SYNE4: variants seen among roughly 807,000 people sequenced by gnomAD.
SYNE4 encodes spectrin repeat containing nuclear envelope family member 4, also known as nesprin-4.
Under a neutral mutation model 46.9 loss-of-function variants are expected in SYNE4, and 41 were observed. That is an observed-to-expected ratio of 0.87 (90% CI 0.68 to 1.13). The LOEUF is 1.13. Ranked by LOEUF, SYNE4 falls within the 50% of genes most tolerant of loss-of-function variation. The pLI is 0.00. For missense variants in SYNE4, 492 were observed against 514.8 expected, an observed-to-expected ratio of 0.96 and a Z score of 0.43; for synonymous variants, 221 against 219.5, an observed-to-expected ratio of 1.01 and a Z score of -0.06.
rs1568530701 is a variant in SYNE4, at chr19:36,005,417, G to A, written c.888C>T (p.Ser296=). 6.2e-7 allele frequency: 1 copy of A among 1,614,012 alleles called. No homozygotes were observed. The highest frequency in any genetic ancestry group is 8.5e-7 in the Non-Finnish European group (1 of 1,179,952). ...GGCCAGACTCCAGCATGTCCTGTCG[G>A]GAGTGAGAGGTGTCTGCTTCCTGGA... ...QGLEEADTSH[S]RQDMLESGLG... The change falls in exon 6 of 8, where the codon TCC becomes TCT. Residue 296 remains serine (S), a synonymous_variant. Transcript: ENST00000324444.
Position 36,008,565 on chromosome 19 carries a change from C to T in SYNE4, c.117G>A (p.Glu39=), listed in dbSNP as rs748488209. 2 of 1,613,896 alleles carry T rather than the reference C, an allele frequency of 1.2e-6. No homozygotes were observed. Among genetic ancestry groups the T allele is most frequent in the Middle Eastern group, 1.7e-4 (1 of 5,914 alleles). The change falls in exon 1 of 8, where the codon GAG becomes GAA. Residue 39 remains glutamate, a synonymous_variant. Coordinates refer to ENST00000324444, the MANE Select transcript of SYNE4 (RefSeq NM_001039876.3). ...GCCCCGGCCCCCACCTCGTGCTCTC[C>T]TCTCCGGACGCGGGGCAGACGGTGC... The part of the protein sequence containing the change: ...VGCTVCPASG[E]ESTSPEQAQT...
At chr19:36,005,258 C>T in intron 6 of SYNE4, 75 bp downstream of exon 6, 1 of 1,435,646 alleles carries the variant, frequency 7.0e-7, no homozygotes, top group Non-Finnish European at 9.7e-7. Context: ...CTTTCTTGTG[C>T]CTTTTGATTT....
chr19:36,003,863 G>T (rs374060690), intron 6 of SYNE4, 192 bp from the exon 7 acceptor site: 1 of 240,278 alleles, frequency 4.2e-6, no homozygotes, highest in African/African-American at 2.3e-5. Context: ...GGGACTACAG[G>T]TGCCACCATG....
In SYNE4 at chr19:36,006,629, C is replaced by T. The variant is rs774590400; in HGVS notation, c.661G>A (p.Glu221Lys). ...GGTCCTGGCCAGTCCGAGTCTCCCT[C>T]GACCTCCAAGTCCTGGTCCAGCGTG... is the stretch of plus-strand genomic sequence containing the variant. ...ANTLDQDLEVEGDSDWPGPGG... is the reference protein window; with the variant it reads ...ANTLDQDLEVKGDSDWPGPGG... Residue 221 changes from glutamate (E) to lysine (K), a missense_variant, in exon 5 of 8, where the codon GAG (glutamate) becomes AAG (lysine). Physicochemically the swap from Glu to Lys is moderately conservative, Grantham distance 56 (BLOSUM62 1). Coordinates refer to ENST00000324444, the MANE Select transcript of SYNE4 (RefSeq NM_001039876.3). 7.5e-6 allele frequency: 12 copies of T among 1,609,900 alleles called. No individual in the cohort carries two copies. Among genetic ancestry groups the T allele is most frequent in the African/African-American group, 6.7e-5 (5 of 74,834 alleles).
intron 1 of SYNE4, 60 bp downstream of exon 1, chr19:36,008,494 A>G: frequency 6.2e-7 from 1 of 1,610,500 alleles, no homozygotes; most frequent in Non-Finnish European, 8.5e-7. Flanking sequence ...CTACCCTCAC[A>G]TGGCCCCTGC....
chr19:36,004,855 T>C (rs1465341145), intron 6 of SYNE4, among the ~76,000 whole-genome samples: 2 of 142,896 alleles, frequency 1.4e-5, no homozygotes, highest in Non-Finnish European at 3.1e-5. Flanking sequence ...CCTGATGTTA[T>C]TTCTTTCTTT....
chr19:36,003,392 A>G lies in SYNE4; in HGVS notation c.1160T>C (p.Ile387Thr). ...GAGCACCAGGTAGGGTGTCCTGGGTATTCGGGCATGAGAGCAGCAGGGGCC... is the reference window on the plus strand; with the variant it reads ...GAGCACCAGGTAGGGTGTCCTGGGTGTTCGGGCATGAGAGCAGCAGGGGCC... The part of the protein sequence containing the change: ...SGGPCCSHAR[I>T]PRTPYLVLSY... The change falls in exon 8 of 8, where the codon ATA (isoleucine) becomes ACA (threonine). Residue 387 changes from isoleucine to threonine, a missense_variant. Physicochemically the swap from Ile to Thr is moderately conservative, Grantham distance 89. Transcript: ENST00000324444. 1 of 1,614,106 alleles carries G rather than the reference A, an allele frequency of 6.2e-7. No homozygotes were observed. Among genetic ancestry groups the G allele is most frequent in the South Asian group, 1.1e-5 (1 of 91,072 alleles).
intron 5 of SYNE4, 160 bp downstream of exon 5, chr19:36,006,259 CGAGA>C (rs1183052981): frequency 1.0e-6 from 1 of 990,760 alleles, no homozygotes; most frequent in African/African-American, 1.7e-5. Flanking sequence ...CAGAGACAGA[CGAGA>C]GAGAGAAACA....
chr19:36,008,772 T>C lies in SYNE4; in HGVS notation c.-91A>G. 9 of 1,473,076 alleles carry C rather than the reference T, an allele frequency of 6.1e-6. No homozygotes were observed. The highest frequency in any genetic ancestry group is 2.0e-4 in the Middle Eastern group (1 of 5,036). The allele number at this position is 1,473,076 out of a possible 1,614,324, so 91.3% of individuals were successfully genotyped here. On this transcript the variant is annotated 5_prime_UTR_variant, in exon 1 of 8. Coordinates refer to ENST00000324444, the MANE Select transcript of SYNE4 (RefSeq NM_001039876.3). The stretch of plus-strand genomic sequence containing the variant: ...GTGTCCCAGAGCTCCTCCGCTGGAG[T>C]CACCCGGGCCTGAGGCTGCAGGAGA...
intron 6 of SYNE4, 87 bp downstream of exon 6, chr19:36,005,246 C>G: frequency 7.5e-7 from 1 of 1,341,216 alleles, no homozygotes; most frequent in Admixed American, 2.0e-5. Context: ...TAATAGCATT[C>G]CCTTTCTTGT....
rs771041135 is a variant in SYNE4, at chr19:36,008,570, C to G, written c.112G>C (p.Gly38Arg). The G allele has an allele frequency of 1.1e-5, 17 of 1,613,796 alleles. No individual in the cohort carries two copies. The African/African-American group carries it at 1.5e-4, about 14-fold the overall frequency. The change falls in exon 1 of 8, where the codon GGA (glycine) becomes CGA (arginine). Residue 38 changes from glycine to arginine, a missense_variant. By Grantham distance (125) the Gly-to-Arg change is moderately radical. Coordinates refer to ENST00000324444, the MANE Select transcript of SYNE4 (RefSeq NM_001039876.3). Reference protein sequence around the residue: ...IVGCTVCPASGEESTSPEQAQ... With the variant: ...IVGCTVCPASREESTSPEQAQ... ...GGCCCCCACCTCGTGCTCTCCTCTCCGGACGCGGGGCAGACGGTGCATCCA... is the reference window on the plus strand; with the variant it reads ...GGCCCCCACCTCGTGCTCTCCTCTCGGGACGCGGGGCAGACGGTGCATCCA...
chr19:36,006,230 T>C (rs1976845471), intron 5 of SYNE4, 193 bp downstream of exon 5: 6 of 745,782 alleles, frequency 8.0e-6, no homozygotes, highest in Non-Finnish European at 1.2e-5. Flanking sequence ...GAATTTGAGA[T>C]GGGGCTTGAG....
intron 5 of SYNE4, chr19:36,005,958 G>C (rs1250876123): frequency 4.4e-5 from 7 of 158,230 alleles, no homozygotes; most frequent in Non-Finnish European, 8.3e-5. Flanking sequence ...GGCAGAGTTT[G>C]CAGTGAGCCA....
chr19:36,005,376 C>T lies in SYNE4; in HGVS notation c.929G>A (p.Arg310His), dbSNP rs770457710. ...GGAGTGTCTTTGGTGACGTGCTAAG[C>T]GTTTCTGGTGGCCGAGGCCAGACTC... ...MLESGLGHQKRLARHQRHSLL... is the reference protein window; with the variant it reads ...MLESGLGHQKHLARHQRHSLL... The change falls in exon 6 of 8, where the codon CGC (arginine) becomes CAC (histidine). Residue 310 changes from arginine (R) to histidine (H), a missense_variant. Physicochemically the swap from Arg to His is conservative, Grantham distance 29 (BLOSUM62 0). Coordinates refer to ENST00000324444, the MANE Select transcript of SYNE4 (RefSeq NM_001039876.3). 3.4e-5 allele frequency: 55 copies of T among 1,613,970 alleles called. No homozygotes were observed. Among genetic ancestry groups the T allele is most frequent in the East Asian group, 6.7e-5 (3 of 44,890 alleles).
At chr19:36,003,765 G>A (rs1044329686) in intron 6 of SYNE4, 94 bp from the exon 7 acceptor site, 5 of 1,526,716 alleles carry the variant, frequency 3.3e-6, no homozygotes, top group African/African-American at 2.7e-5. Context: ...TGGCACCCAC[G>A]CTGGACTGCA....
At chr19:36,007,918 G>A (rs1968429112) in intron 2 of SYNE4, among the ~76,000 whole-genome samples, 1 of 151,800 alleles carries the variant, frequency 6.6e-6, no homozygotes, top group Non-Finnish European at 1.5e-5. Context: ...CCAGCTACTC[G>A]GGTGGCTGAG....
rs540973613 is a variant in SYNE4, at chr19:36,004,717, C to T, written c.972+616G>A. Among the ~76,000 whole-genome samples, 16 of 152,154 alleles carry T rather than the reference C, an allele frequency of 1.1e-4. No individual in the cohort carries two copies. In the East Asian group the frequency reaches 2.9e-3, roughly 28 times the overall value. ...GGACTTTGGCAGCTGTCAGTAGGGT[C>T]GGAGGCATGCTCCTTCCCCTGGGGT... On this transcript the variant is annotated intron_variant, in intron 6 of 7. Coordinates refer to ENST00000324444, the MANE Select transcript of SYNE4 (RefSeq NM_001039876.3).
chr19:36,005,427 G>T lies in SYNE4; in HGVS notation c.878C>A (p.Thr293Asn). Residue 293 changes from threonine (T) to asparagine (N), a missense_variant, in exon 6 of 8, where the codon ACC becomes AAC. By Grantham distance (65) the Thr-to-Asn change is moderately conservative (BLOSUM62 0). Coordinates refer to ENST00000324444, the MANE Select transcript of SYNE4 (RefSeq NM_001039876.3). ...CAGCATGTCCTGTCGGGAGTGAGAG[G>T]TGTCTGCTTCCTGGAGAACCAGCAA... is the stretch of plus-strand genomic sequence containing the variant. ...GRGQGLEEADTSHSRQDMLES... is the reference protein window; with the variant it reads ...GRGQGLEEADNSHSRQDMLES... 2.5e-6 allele frequency: 4 copies of T among 1,614,018 alleles called. No homozygotes were observed. The highest frequency in any genetic ancestry group is 3.4e-6 in the Non-Finnish European group (4 of 1,179,952).
At chr19:36,007,033 G>A in intron 3 of SYNE4, 89 bp from the exon 4 acceptor site, 2 of 1,548,306 alleles carry the variant, frequency 1.3e-6, no homozygotes, top group South Asian at 2.4e-5. Flanking sequence ...CCAAAGGCCT[G>A]GAACATGCAC....
Sources: allele counts gnomAD v4.1 joint callset (sites outside exome capture counted in the v4.1 genomes callset), GRCh38; gene constraint gnomAD v4.1.1; transcripts MANE v1.5; gene names NCBI Gene and HGNC (gene_info 2026-07-23, HGNC 2026-07-21).